The following GCNT2 variants were observed in gnomAD, a reference collection of about 807,000 sequenced individuals.
GCNT2 encodes the protein N-acetyllactosaminide beta-1,6-N-acetylglucosaminyl-transferase.
A neutral mutation model predicts 34.2 loss-of-function variants in GCNT2; 34 were observed. The observed-to-expected ratio is 1.00, with a 90% CI of 0.76 to 1.32. The LOEUF (loss-of-function observed/expected upper bound fraction) is 1.32, where lower values mean the gene tolerates loss of function less well. Among genes scored for constraint, GCNT2 ranks in the 40% most tolerant of loss-of-function variants. GCNT2 has a pLI of 0.00. For synonymous variants in GCNT2, 212 were observed against 188.0 expected, an observed-to-expected ratio of 1.13 and a Z score of -1.04; for missense variants, 584 against 489.4, an observed-to-expected ratio of 1.19 and a Z score of -1.82.
At chr6:10,618,966 A>G (rs1765913445) in intron 3 of GCNT2, among the ~76,000 whole-genome samples, 1 of 152,198 alleles carries the variant, frequency 6.6e-6, no homozygotes, top group Admixed American at 6.5e-5. Flanking sequence ...ACAAAATTTA[A>G]TTTTAGTTAG....
chr6:10,585,560 A>T (rs1406052169), intron 3 of GCNT2, among the ~76,000 whole-genome samples: 1 of 152,168 alleles, frequency 6.6e-6, no homozygotes, highest in Non-Finnish European at 1.5e-5. Context: ...GAGAAGGGAG[A>T]TCAGATCAGA....
chr6:10,586,019 T>C (rs1204177095), intron 3 of GCNT2: 2 of 1,614,164 alleles, frequency 1.2e-6, no homozygotes, highest in Non-Finnish European at 1.7e-6. Context: ...GCTTTTTTGC[T>C]TTCACTCTGC....
chr6:10,616,026 T>A (rs1039391925), intron 3 of GCNT2, among the ~76,000 whole-genome samples: 3 of 152,258 alleles, frequency 2.0e-5, no homozygotes, highest in Non-Finnish European at 4.4e-5. Flanking sequence ...ACTTCAAGAA[T>A]GAAGCTGCGG....
intron 3 of GCNT2, among the ~76,000 whole-genome samples, chr6:10,591,824 T>G (rs1764658901): frequency 6.6e-6 from 1 of 152,142 alleles, no homozygotes; most frequent in African/African-American, 2.4e-5. Flanking sequence ...AGAAAGAAAC[T>G]CAAAACGTCT....
chr6:10,562,656 G>GAA (rs57868433), intron 3 of GCNT2, among the ~76,000 whole-genome samples: 1,080 of 77,346 alleles, frequency 0.014, 23 homozygotes, highest in African/African-American at 0.029. Flanking sequence ...GAACTTCTCT[G>GAA]AAAAAAAAAA....
intron 3 of GCNT2, among the ~76,000 whole-genome samples, chr6:10,569,273 A>ACACACACACACACACACACACACC (rs1561806920): frequency 2.1e-4 from 30 of 139,700 alleles, no homozygotes; most frequent in South Asian, 4.5e-4. Context: ...ACACACACAC[A>ACACACACACACACACACACACACC]CCCCCTAGGT....
intron 3 of GCNT2, among the ~76,000 whole-genome samples, chr6:10,612,330 G>A (rs894002476): frequency 1.3e-5 from 2 of 152,058 alleles, no homozygotes; most frequent in African/African-American, 4.8e-5. Context: ...TTAACCAGGG[G>A]TGATTTTGCA....
rs372366545 is a variant in GCNT2 at position 10,547,593 on chromosome 6, T to C, written c.925+17757T>C. 7.9e-5 allele frequency among the ~76,000 whole-genome samples: 12 copies of C among 152,364 alleles called. No homozygotes were observed. The South Asian group carries it at 8.3e-4, about 11-fold the overall frequency. Reference sequence around the variant, plus strand: ...ACTTTTTATCACTTGGCTAAGATAGTGCCTGCCACATTTCTCCAGTGAAAA... The same window carrying C: ...ACTTTTTATCACTTGGCTAAGATAGCGCCTGCCACATTTCTCCAGTGAAAA... On this transcript the variant is annotated intron_variant, in intron 3 of 4. Transcript: ENST00000495262.
chr6:10,558,162 C>T (rs961586835), intron 3 of GCNT2, among the ~76,000 whole-genome samples: 1 of 152,192 alleles, frequency 6.6e-6, no homozygotes, highest in African/African-American at 2.4e-5. Context: ...TACCTATTTG[C>T]ATGGGTTTGT....
intron 1 of GCNT2, among the ~76,000 whole-genome samples, chr6:10,522,527 G>A (rs944054959): frequency 1.3e-5 from 2 of 152,158 alleles, no homozygotes; most frequent in East Asian, 1.9e-4. Flanking sequence ...AGAAGAAATA[G>A]GGAGACTGTA....
intron 3 of GCNT2, among the ~76,000 whole-genome samples, chr6:10,612,104 A>G (rs974640500): frequency 6.6e-6 from 1 of 151,732 alleles, no homozygotes; most frequent in African/African-American, 2.4e-5. Context: ...CTCCTGCCTC[A>G]GCCTCCCAAG....
chr6:10,593,734 A>G (rs1764738572), intron 3 of GCNT2, among the ~76,000 whole-genome samples: 1 of 152,236 alleles, frequency 6.6e-6, no homozygotes, highest in Admixed American at 6.5e-5. Context: ...TGATATATGT[A>G]TATATCAATG....
intron 3 of GCNT2, among the ~76,000 whole-genome samples, chr6:10,612,443 T>G (rs987273562): frequency 2.0e-5 from 3 of 152,172 alleles, no homozygotes; most frequent in African/African-American, 7.2e-5. Context: ...GGAACACTGC[T>G]AAACATCCTA....
intron 3 of GCNT2, chr6:10,573,405 C>A: frequency 3.8e-6 from 2 of 525,050 alleles, no homozygotes; most frequent in Non-Finnish European, 4.9e-6. Context: ...GCAGTTAACA[C>A]CAGAAGGGAA....
At chr6:10,559,009 G>T (rs933667163) in intron 3 of GCNT2, among the ~76,000 whole-genome samples, 3 of 149,974 alleles carry the variant, frequency 2.0e-5, no homozygotes, top group Admixed American at 2.0e-4. Flanking sequence ...CCAGTCAAGT[G>T]GTTCCTTAAG....
chr6:10,569,235 C>CACACACACACACACACACA (rs1554131675), intron 3 of GCNT2, among the ~76,000 whole-genome samples: 4 of 47,464 alleles, frequency 8.4e-5, no homozygotes, highest in Non-Finnish European at 1.5e-4. Flanking sequence ...ACTCCCCCCG[C>CACACACACACACACACACA]CACACACACA....
intron 3 of GCNT2, among the ~76,000 whole-genome samples, chr6:10,550,866 A>G (rs1253498123): frequency 6.6e-6 from 1 of 152,226 alleles, no homozygotes; most frequent in Non-Finnish European, 1.5e-5. Context: ...CAGCTCCTCC[A>G]GGTGATGAGA....
chr6:10,589,027 AT>A (rs1764496721), intron 3 of GCNT2, among the ~76,000 whole-genome samples: 1 of 65,048 alleles, frequency 1.5e-5, no homozygotes. Context: ...TATGTGGTGT[AT>A]GTGCGTGGTA....
intron 3 of GCNT2, among the ~76,000 whole-genome samples, chr6:10,553,511 A>G (rs1439267465): frequency 6.6e-6 from 1 of 152,150 alleles, no homozygotes; most frequent in Admixed American, 6.6e-5. Context: ...TTTTTAATTC[A>G]TTGAGATTCT....
Sources: allele counts gnomAD v4.1 joint callset (sites outside exome capture counted in the v4.1 genomes callset), GRCh38; gene constraint gnomAD v4.1.1; transcripts MANE v1.5; gene names NCBI Gene and HGNC (gene_info 2026-07-23, HGNC 2026-07-21).